The following OPRM1 variants were observed in gnomAD, a reference collection of about 807,000 sequenced individuals.
The protein encoded by OPRM1 is opioid receptor mu 1.
A neutral mutation model predicts 31.8 loss-of-function variants in OPRM1; 27 were observed. That is an observed-to-expected ratio of 0.85 (90% CI 0.63 to 1.17). OPRM1 has a LOEUF of 1.17. OPRM1 is among the 50% of genes most tolerant of loss of function. The pLI, the probability that OPRM1 is intolerant of heterozygous loss-of-function variation, is 0.00. For synonymous variants in OPRM1, 196 were observed against 189.9 expected, an observed-to-expected ratio of 1.03 and a Z score of -0.26; for missense variants, 536 against 511.1, an observed-to-expected ratio of 1.05 and a Z score of -0.47.
At chr6:154,021,432 G>T (rs1018309559) in intron 1 of OPRM1, among the ~76,000 whole-genome samples, 18 of 152,094 alleles carry the variant, frequency 1.2e-4, no homozygotes, top group Non-Finnish European at 1.0e-4. Context: ...TATTATGTTT[G>T]CTATACTGGG....
intron 3 of OPRM1, 65 bp downstream of exon 3, chr6:154,091,537 T>C: frequency 6.6e-7 from 1 of 1,525,256 alleles, no homozygotes. Context: ...GGCTTTGTGC[T>C]AAACTAGGAG....
intron 3 of OPRM1, 169 bp downstream of exon 3, chr6:154,091,641 C>A: frequency 1.4e-6 from 2 of 1,415,768 alleles, no homozygotes; most frequent in East Asian, 2.5e-5. Context: ...AAACTGTGTT[C>A]TTTATATTTG....
chr6:154,062,383 A>G (rs552392001), intron 1 of OPRM1, among the ~76,000 whole-genome samples: 8 of 152,182 alleles, frequency 5.3e-5, no homozygotes, highest in Non-Finnish European at 8.8e-5. Context: ...GTCAGAAGAC[A>G]ACTCCATATT....
chr6:154,057,446 G>C (rs903116118), intron 1 of OPRM1, among the ~76,000 whole-genome samples: 1 of 152,048 alleles, frequency 6.6e-6, no homozygotes, highest in African/African-American at 2.4e-5. Context: ...CTGTTCTCAA[G>C]GTTTATTGCC....
upstream of OPRM1, among the ~76,000 whole-genome samples, chr6:154,036,785 T>TACC (rs1171526081): frequency 4.6e-5 from 7 of 152,052 alleles, no homozygotes; most frequent in Admixed American, 2.0e-4. Flanking sequence ...TATGCCATTA[T>TACC]CTGGGTATAA....
In OPRM1 at chr6:154,195,437, G is replaced by A. The variant is rs191309205; in HGVS notation, c.1165-51256G>A. ...GCTGGGATTACAGGTGTGAGCCACC[G>A]TGCCTGGCCCAGCTACAATAATTTT... On this transcript the variant is annotated intron_variant, in intron 3 of 3. Transcript: ENST00000337049. Among the ~76,000 whole-genome samples the A allele has an allele frequency of 4.5e-3, 688 of 151,856 alleles. 1 individual carries two copies. The highest frequency in any genetic ancestry group is 0.015 in the African/African-American group (613 of 41,402).
At chr6:154,175,302 AG>A (rs1227523266) in intron 3 of OPRM1, among the ~76,000 whole-genome samples, 5 of 152,122 alleles carry the variant, frequency 3.3e-5, no homozygotes, top group Non-Finnish European at 7.3e-5. Context: ...AGCTAGCAGA[AG>A]GCAAGAAATA....
intron 3 of OPRM1, among the ~76,000 whole-genome samples, chr6:154,194,654 T>C (rs1190274267): frequency 1.3e-5 from 2 of 151,994 alleles, no homozygotes; most frequent in Non-Finnish European, 2.9e-5. Context: ...CACTCCTAAC[T>C]CCTAGCTTCA....
Position 154,090,086 on chromosome 6 carries a change from G to T in OPRM1, c.551G>T (p.Arg184Leu). ...PVKALDFRTP[R>L]NAKIINVCNW... ...AAGGCCTTAGATTTCCGTACTCCCC[G>T]AAATGCCAAAATTATCAATGTCTGC... Residue 184 changes from arginine to leucine, a missense_variant, in exon 2 of 4, where the codon CGA (arginine) becomes CTA (leucine). By Grantham distance (102) the Arg-to-Leu change is moderately radical. Coordinates refer to ENST00000330432, the MANE Select transcript of OPRM1 (RefSeq NM_000914.5). 1 of 1,614,088 alleles carries T rather than the reference G, an allele frequency of 6.2e-7. No individual in the cohort carries two copies.
intron 3 of OPRM1, among the ~76,000 whole-genome samples, chr6:154,204,297 A>C (rs187469510): frequency 6.6e-6 from 1 of 152,308 alleles, no homozygotes; most frequent in Admixed American, 6.5e-5. Flanking sequence ...GGCCACCCAA[A>C]CCCTGTAATT....
rs1797664137 is a variant in OPRM1 at position 154,127,574 on chromosome 6, C to T, written c.*8853C>T. On this transcript the variant is annotated 3_prime_UTR_variant, in exon 4 of 4. Coordinates refer to ENST00000330432, the MANE Select transcript of OPRM1 (RefSeq NM_000914.5). Reference sequence around the variant, plus strand: ...GGTCCACACCACCAATTGAGATGTACCTGTGCTCATGACTTGACATTGTGG... The same window carrying T: ...GGTCCACACCACCAATTGAGATGTATCTGTGCTCATGACTTGACATTGTGG... Among the ~76,000 whole-genome samples the T allele has an allele frequency of 6.6e-6, 1 of 152,182 alleles. No individual in the cohort carries two copies. Among genetic ancestry groups the T allele is most frequent in the Non-Finnish European group, 1.5e-5 (1 of 68,026 alleles).
intron 3 of OPRM1, among the ~76,000 whole-genome samples, chr6:154,153,315 G>C (rs1346271767): frequency 1.3e-5 from 2 of 151,968 alleles, no homozygotes; most frequent in Non-Finnish European, 2.9e-5. Context: ...GGGGAATTTA[G>C]GCTGCAAATC....
At chr6:154,227,293 T>C (rs1291236524) in intron 3 of OPRM1, among the ~76,000 whole-genome samples, 5 of 152,124 alleles carry the variant, frequency 3.3e-5, no homozygotes, top group Admixed American at 3.3e-4. Context: ...CAGCACCCAA[T>C]TTATGGCATG....
At chr6:154,110,950 C>T (rs896104407) in intron 3 of OPRM1, among the ~76,000 whole-genome samples, 8 of 147,336 alleles carry the variant, frequency 5.4e-5, no homozygotes, top group African/African-American at 7.4e-5. Context: ...CTGATTACAC[C>T]ATTCAGACTC....
chr6:154,067,182 C>T (rs1785606160), intron 1 of OPRM1, among the ~76,000 whole-genome samples: 1 of 151,780 alleles, frequency 6.6e-6, no homozygotes. Context: ...ATCTCTGCTC[C>T]AATTTTTCCT....
intron 3 of OPRM1, among the ~76,000 whole-genome samples, chr6:154,103,286 G>GC (rs1487438065): frequency 6.6e-6 from 1 of 152,148 alleles, no homozygotes; most frequent in African/African-American, 2.4e-5. Context: ...AGAATATTTA[G>GC]CTTTGTACAA....
At chr6:154,067,699 A>G (rs1005859317) in intron 1 of OPRM1, among the ~76,000 whole-genome samples, 1 of 151,918 alleles carries the variant, frequency 6.6e-6, no homozygotes, top group African/African-American at 2.4e-5. Flanking sequence ...TAAGTCCTCT[A>G]TTTCCTTACT....
At chr6:154,039,142 C>T (rs1479101675), upstream of OPRM1, 3 of 1,549,412 alleles carry the variant, frequency 1.9e-6, no homozygotes, top group Middle Eastern at 1.7e-4. Flanking sequence ...CAACCCTTCT[C>T]TCCATCTCCC....
At chr6:154,234,313 T>C (rs1779948107) in intron 3 of OPRM1, among the ~76,000 whole-genome samples, 1 of 152,184 alleles carries the variant, frequency 6.6e-6, no homozygotes, top group Non-Finnish European at 1.5e-5. Context: ...AGGATGAAGC[T>C]TTGGTTACCC....
Sources: allele counts gnomAD v4.1 joint callset (sites outside exome capture counted in the v4.1 genomes callset), GRCh38; gene constraint gnomAD v4.1.1; transcripts MANE v1.5; gene names NCBI Gene and HGNC (gene_info 2026-07-23, HGNC 2026-07-21).